KLF17: variants seen among roughly 807,000 people sequenced by gnomAD.
KLF17 encodes Krueppel-like factor 17.
A neutral mutation model predicts 34.2 loss-of-function variants in KLF17; 31 were observed. That is an observed-to-expected ratio of 0.91 (90% CI 0.68 to 1.22). The LOEUF is 1.22. KLF17 is among the 50% of genes most tolerant of loss of function. The pLI is 0.00. For missense variants in KLF17, 478 were observed against 505.2 expected, an observed-to-expected ratio of 0.95 and a Z score of 0.52; for synonymous variants, 179 against 186.7, an observed-to-expected ratio of 0.96 and a Z score of 0.34.
chr1:44,112,468 T>C, the KLF17 span, among the ~76,000 whole-genome samples: 1 of 152,138 alleles, frequency 6.6e-6, no homozygotes. Flanking sequence ...TACAGTGGCA[T>C]GAACATAGCT....
At chr1:44,107,450 G>A in the KLF17 span, among the ~76,000 whole-genome samples, 4 of 152,110 alleles carry the variant, frequency 2.6e-5, no homozygotes, top group African/African-American at 7.2e-5. Flanking sequence ...CTGTATCTGC[G>A]GTTTCAGTTA....
intron 1 of KLF17, among the ~76,000 whole-genome samples, chr1:44,127,301 T>C (rs1300990442): frequency 6.6e-6 from 1 of 152,166 alleles, no homozygotes; most frequent in Non-Finnish European, 1.5e-5. Flanking sequence ...GAACTGTTTG[T>C]TACAAAGTAA....
At position 44,127,666 on chromosome 1, in the gene KLF17, C is replaced by CTT. The variant is rs746900565; in HGVS notation, c.82-1685_82-1684dup. Among the ~76,000 whole-genome samples the CTT allele has an allele frequency of 3.2e-3, 130 of 40,408 alleles. 1 individual carries two copies. The highest frequency in any genetic ancestry group is 0.022 in the Middle Eastern group (2 of 92). 26.5% of individuals were successfully genotyped at this position (40,408 alleles called of 152,430 possible). On this transcript the variant is annotated intron_variant, in intron 1 of 3. Coordinates refer to ENST00000372299, the MANE Select transcript of KLF17 (RefSeq NM_173484.4). ...TCTTTCTTTCTTTCTTTCTTTCTTT[C>CTT]TTTCTTTCTTTCTTTCTTTCTTTCT... is the stretch of plus-strand genomic sequence containing the variant.
chr1:44,079,092 C>A, the KLF17 span, among the ~76,000 whole-genome samples: 4 of 152,092 alleles, frequency 2.6e-5, no homozygotes, highest in Non-Finnish European at 5.9e-5. Flanking sequence ...TTTATCAAAT[C>A]CTTTTTTCTG....
At chr1:44,051,273 A>C in the KLF17 span, 1 of 152,250 alleles carries the variant, frequency 6.6e-6, no homozygotes, top group East Asian at 1.9e-4. Flanking sequence ...TTTTAGAATC[A>C]TCGTTTTCCC....
chr1:44,065,931 A>G, the KLF17 span, among the ~76,000 whole-genome samples: 1 of 152,226 alleles, frequency 6.6e-6, no homozygotes, highest in South Asian at 2.1e-4. Flanking sequence ...TGGGCAATAA[A>G]TGGATGGAAA....
At chr1:44,048,661 G>C in the KLF17 span, among the ~76,000 whole-genome samples, 1 of 152,152 alleles carries the variant, frequency 6.6e-6, no homozygotes, top group Non-Finnish European at 1.5e-5. Context: ...GATCTCCTAA[G>C]TACATAAATA....
chr1:44,117,426 C>T (rs2087890530), upstream of KLF17: 1 of 143,466 alleles, frequency 7.0e-6, no homozygotes, highest in Non-Finnish European at 1.5e-5. Flanking sequence ...TCTTGGACAG[C>T]TCCTTTTTTA....
At chr1:44,051,289 G>C in the KLF17 span, 1 of 152,268 alleles carries the variant, frequency 6.6e-6, no homozygotes, top group East Asian at 1.9e-4. Context: ...TTCCCTGGCA[G>C]GTGGTACAGC....
chr1:44,089,376 C>G, the KLF17 span, among the ~76,000 whole-genome samples: 1 of 152,324 alleles, frequency 6.6e-6, no homozygotes, highest in Non-Finnish European at 1.5e-5. Context: ...AAGCCTCAAC[C>G]AACCCAGCAG....
At chr1:44,117,458 T>C (rs2087891807), upstream of KLF17, 1 of 147,244 alleles carries the variant, frequency 6.8e-6, no homozygotes, top group Admixed American at 6.7e-5. Context: ...TTATTTTATT[T>C]TATTTTATTT....
the KLF17 span, among the ~76,000 whole-genome samples, chr1:44,107,672 GGT>G: frequency 1.4e-4 from 22 of 152,182 alleles, no homozygotes; most frequent in South Asian, 4.6e-3. Flanking sequence ...GCTTGGTAAA[GGT>G]CTCGGTTATC....
At chr1:44,087,205 A>G in the KLF17 span, among the ~76,000 whole-genome samples, 1 of 152,196 alleles carries the variant, frequency 6.6e-6, no homozygotes, top group African/African-American at 2.4e-5. Flanking sequence ...GTAACAAGAT[A>G]TCACAGAATG....
rs1398746448 is a variant in KLF17 at position 44,134,471 on chromosome 1, G to C, written c.*1234G>C. On this transcript the variant is annotated 3_prime_UTR_variant, in exon 4 of 4. Coordinates refer to ENST00000372299, the MANE Select transcript of KLF17 (RefSeq NM_173484.4). ...GAACCCAGGAGGCGGAGGTTGCAGT[G>C]AGCTCAGATCTCACCATTGCACTCC... The C allele has an allele frequency of 1.3e-5, 2 of 152,402 alleles. No individual in the cohort carries two copies. The highest frequency in any genetic ancestry group is 2.9e-5 in the Non-Finnish European group (2 of 68,246). 9.4% of individuals were successfully genotyped at this position (152,402 alleles called of 1,614,324 possible).
the KLF17 span, chr1:44,110,427 A>G: frequency 6.6e-6 from 1 of 152,226 alleles, no homozygotes; most frequent in African/African-American, 2.4e-5. Flanking sequence ...GCAGTGGCTC[A>G]TGCCTGTAAT....
In KLF17 at chr1:44,129,532, A is replaced by G; in HGVS notation, c.261A>G (p.Pro87=). 6.2e-7 allele frequency: 1 copy of G among 1,613,442 alleles called. No homozygotes were observed. The highest frequency in any genetic ancestry group is 8.5e-7 in the Non-Finnish European group (1 of 1,179,634). Residue 87 remains proline (P), a synonymous_variant, in exon 2 of 4, where the codon CCA becomes CCG. Coordinates refer to ENST00000372299, the MANE Select transcript of KLF17 (RefSeq NM_173484.4). The stretch of plus-strand genomic sequence containing the variant: ...GGCAGAATGTGAATGAAGGGGGGCC[A>G]CAGTTCAGTATGCCACTGCCTGAGC... ...APGQNVNEGG[P]QFSMPLPERG...
At chr1:44,047,170 C>T in the KLF17 span, among the ~76,000 whole-genome samples, 1 of 151,894 alleles carries the variant, frequency 6.6e-6, no homozygotes, top group Non-Finnish European at 1.5e-5. Context: ...TTAAAATGTA[C>T]AAGAAGAAGT....
chr1:44,048,473 G>T, the KLF17 span: 2 of 152,170 alleles, frequency 1.3e-5, no homozygotes, highest in Non-Finnish European at 2.9e-5. Flanking sequence ...TGAGTCAGAG[G>T]TTTCTGCTTA....
chr1:44,120,713 TGA>T (rs1397657874), intron 1 of KLF17, among the ~76,000 whole-genome samples: 1 of 152,216 alleles, frequency 6.6e-6, no homozygotes, highest in Non-Finnish European at 1.5e-5. Flanking sequence ...GGGCCATTGC[TGA>T]GAGTTAGGGA....
Sources: allele counts gnomAD v4.1 joint callset (sites outside exome capture counted in the v4.1 genomes callset), GRCh38; gene constraint gnomAD v4.1.1; transcripts MANE v1.5; gene names NCBI Gene and HGNC (gene_info 2026-07-23, HGNC 2026-07-21).